SEPHS1: variants seen among roughly 807,000 people sequenced by gnomAD.
The protein encoded by SEPHS1 is zincore component SEPHS1.
SEPHS1 carries 7 observed loss-of-function variants against 39.2 expected under a neutral mutation model. That is an observed-to-expected ratio of 0.18 (90% confidence interval 0.10 to 0.34). The LOEUF (loss-of-function observed/expected upper bound fraction) is 0.34. Among genes scored for constraint, SEPHS1 ranks in the 10% least tolerant of loss-of-function variants. The pLI is 1.00. For synonymous variants in SEPHS1, 190 were observed against 195.5 expected (o/e 0.97, Z 0.23); for missense variants, 253 against 514.5 (o/e 0.49, Z 4.92).
intron 5 of SEPHS1, among the ~76,000 whole-genome samples, chr10:13,332,115 A>ATGGCT (rs1833490060): frequency 6.6e-6 from 1 of 152,258 alleles, no homozygotes; most frequent in Non-Finnish European, 1.5e-5. Flanking sequence ...AATAGGTGGA[A>ATGGCT]ACAACCCAAA....
At position 13,319,137 on chromosome 10, in the gene SEPHS1, C is replaced by A. The variant is rs535134415; in HGVS notation, c.*5G>T. ...AACAAAACCAAACAGCTATTTCTGT[C>A]TAGATTAAGAGGTGGCCCCGGGTGT... On this transcript the variant is annotated 3_prime_UTR_variant, in exon 9 of 9. Transcript: ENST00000327347. The A allele has an allele frequency of 6.8e-6, 11 of 1,611,254 alleles. No individual in the cohort carries two copies. In the South Asian group the frequency reaches 1.0e-4, roughly 15 times the overall value.
At position 13,322,952 on chromosome 10, in the gene SEPHS1, T is replaced by C; in HGVS notation, c.847A>G (p.Arg283Gly). ...TGAATTACAAACGACACCTCGTTCC[T>C]CTGCTGCTTGGCCAGGTTCTGCGCA... The part of the protein sequence containing the change: ...GHAQNLAKQQ[R>G]NEVSFVIHNL... Residue 283 changes from arginine to glycine, a missense_variant, in exon 8 of 9, where the codon AGG becomes GGG. Transcript: ENST00000327347. The C allele has an allele frequency of 6.2e-7, 1 of 1,614,082 alleles. No individual in the cohort carries two copies. The highest frequency in any genetic ancestry group is 8.5e-7 in the Non-Finnish European group (1 of 1,179,974).
rs1832989046 is a variant in SEPHS1 at position 13,317,829 on chromosome 10, T to TA, written c.*1312_*1313insT. ...GCGCCCTTGTGCTTAATGACAGGAA[T>TA]CCCTCCTCATTGCTTAGTAGGTTAA... On this transcript the variant is annotated 3_prime_UTR_variant, in exon 9 of 9. Transcript: ENST00000327347. The TA allele has an allele frequency of 6.6e-6, 1 of 152,154 alleles. No individual in the cohort carries two copies. Among genetic ancestry groups the TA allele is most frequent in the African/African-American group, 2.4e-5 (1 of 41,438 alleles). 9.4% of individuals were successfully genotyped at this position (152,154 alleles called of 1,614,324 possible). A position where few individuals can be genotyped will look rare whatever the true frequency, so the allele number is the denominator to read the frequency against.
rs377429516 is a variant in SEPHS1 at position 13,336,385 on chromosome 10, G to A, written c.298-35C>T. The A allele has an allele frequency of 1.4e-4, 203 of 1,503,366 alleles. 2 individuals carry two copies. Among genetic ancestry groups the A allele is most frequent in the South Asian group, 4.9e-4 (43 of 87,586 alleles). The allele number at this position is 1,503,366 out of a possible 1,614,324, so 93.1% of individuals were successfully genotyped here. A position where few individuals can be genotyped will look rare whatever the true frequency, so the allele number is the denominator to read the frequency against. On this transcript the variant is annotated intron_variant, in intron 3 of 8. Coordinates refer to ENST00000327347, the MANE Select transcript of SEPHS1 (RefSeq NM_012247.5). Reference sequence around the variant, plus strand: ...GAGGGAAACATGAGAAAGGACGACCGGGGACTTTCCATCTGCAGAAACTGA... The same window carrying A: ...GAGGGAAACATGAGAAAGGACGACCAGGGACTTTCCATCTGCAGAAACTGA...
intron 8 of SEPHS1, among the ~76,000 whole-genome samples, chr10:13,320,476 G>A (rs540243658): frequency 2.2e-4 from 33 of 150,842 alleles, no homozygotes; most frequent in East Asian, 1.8e-3. Flanking sequence ...CCACTGCACC[G>A]GGCCAAAATT....
At chr10:13,334,369 C>T (rs183965186) in intron 4 of SEPHS1, among the ~76,000 whole-genome samples, 4,290 of 152,062 alleles carry the variant, frequency 0.028, 89 homozygotes, top group Non-Finnish European at 0.044. Flanking sequence ...GGTGAAACCC[C>T]GTCTCTACTA....
rs773450639 is a variant in SEPHS1, at chr10:13,318,046, A to C, written c.*1096T>G. The C allele has an allele frequency of 6.6e-6, 1 of 152,212 alleles. No individual in the cohort carries two copies. The highest frequency in any genetic ancestry group is 2.4e-5 in the African/African-American group (1 of 41,462). 9.4% of individuals were successfully genotyped at this position (152,212 alleles called of 1,614,324 possible). On this transcript the variant is annotated 3_prime_UTR_variant, in exon 9 of 9. Coordinates refer to ENST00000327347, the MANE Select transcript of SEPHS1 (RefSeq NM_012247.5). Reference sequence around the variant, plus strand: ...AAACCCTCCCAACGCTTCTAAAATAATACTAAAAGGGGCATCTGATTATAC... The same window carrying C: ...AAACCCTCCCAACGCTTCTAAAATACTACTAAAAGGGGCATCTGATTATAC...
chr10:13,344,812 C>T lies in SEPHS1; in HGVS notation c.139G>A (p.Glu47Lys). 5 of 1,601,328 alleles carry T rather than the reference C, an allele frequency of 3.1e-6. No individual in the cohort carries two copies. The highest frequency in any genetic ancestry group is 4.3e-6 in the Non-Finnish European group (5 of 1,173,328). Residue 47 changes from glutamate to lysine, a missense_variant, in exon 2 of 9, where the codon GAG (glutamate) becomes AAG (lysine). Glu to Lys is a moderately conservative substitution (Grantham distance 56). Coordinates refer to ENST00000327347, the MANE Select transcript of SEPHS1 (RefSeq NM_012247.5). ...TGCTCATCTTCTTGGAAGTGGTTCT[C>T]CTGTAAAGATTCCAGCAATTTTTGC... ...VLQKLLESLQ[E>K]NHFQEDEQFL...
rs1046414753 is a variant in SEPHS1 at position 13,320,999 on chromosome 10, G to A, written c.965-1643C>T. Among the ~76,000 whole-genome samples, 6 of 152,136 alleles carry A rather than the reference G, an allele frequency of 3.9e-5. 1 individual carries two copies. The highest frequency in any genetic ancestry group is 1.4e-4 in the African/African-American group (6 of 41,430). On this transcript the variant is annotated intron_variant, in intron 8 of 8. Transcript: ENST00000327347. ...CCTGCCCTGTTGGAGCTTACTTCTA[G>A]AAAATGGTTTGTTTTTTTAAACGGG...
chr10:13,326,914 G>T (rs1025778472), intron 7 of SEPHS1, among the ~76,000 whole-genome samples: 17 of 152,218 alleles, frequency 1.1e-4, no homozygotes, highest in African/African-American at 4.1e-4. Flanking sequence ...AAAGATAATT[G>T]TGGTACATTT....
At chr10:13,335,391 C>G (rs1833595710) in intron 4 of SEPHS1, among the ~76,000 whole-genome samples, 1 of 152,208 alleles carries the variant, frequency 6.6e-6, no homozygotes, top group Non-Finnish European at 1.5e-5. Flanking sequence ...ACAGGTCGGG[C>G]ACGGTGGCTC....
intron 5 of SEPHS1, among the ~76,000 whole-genome samples, chr10:13,330,187 C>T (rs1054426263): frequency 1.3e-5 from 2 of 152,168 alleles, no homozygotes; most frequent in Admixed American, 1.3e-4. Context: ...TCCCCTCGAC[C>T]ACATACGAGT....
chr10:13,318,448 T>C lies in SEPHS1; in HGVS notation c.*694A>G, dbSNP rs1424648958. ...TCTAATAACATTGCAAAAAGTATCC[T>C]TTTTTGCTATCGATAAAACAGTTAA... On this transcript the variant is annotated 3_prime_UTR_variant, in exon 9 of 9. Transcript: ENST00000327347. 1 of 152,606 alleles carries C rather than the reference T, an allele frequency of 6.6e-6. No homozygotes were observed. Among genetic ancestry groups the C allele is most frequent in the Non-Finnish European group, 1.5e-5 (1 of 68,038 alleles). 9.5% of individuals were successfully genotyped at this position (152,606 alleles called of 1,614,324 possible). A position where few individuals can be genotyped will look rare whatever the true frequency, so the allele number is the denominator to read the frequency against.
intron 7 of SEPHS1, 21 bp from the exon 8 acceptor site, chr10:13,323,068 C>T (rs923226519): frequency 3.1e-6 from 5 of 1,608,906 alleles, no homozygotes; most frequent in African/African-American, 2.7e-5. Flanking sequence ...GAGGGGGCGG[C>T]TCTGAGAAAA....
intron 2 of SEPHS1, among the ~76,000 whole-genome samples, chr10:13,343,907 A>C (rs1372586996): frequency 6.6e-6 from 1 of 152,238 alleles, no homozygotes; most frequent in African/African-American, 2.4e-5. Flanking sequence ...AAGTGATCAC[A>C]GTCTTGTACT....
intron 8 of SEPHS1, among the ~76,000 whole-genome samples, chr10:13,321,392 C>G (rs536223147): frequency 1.1e-4 from 16 of 152,054 alleles, no homozygotes; most frequent in African/African-American, 3.6e-4. Context: ...GATTACAGGG[C>G]ACACGCCACG....
intron 1 of SEPHS1, among the ~76,000 whole-genome samples, chr10:13,346,956 C>T (rs910477850): frequency 1.3e-5 from 2 of 151,950 alleles, no homozygotes; most frequent in African/African-American, 4.8e-5. Context: ...AAATCAGCCT[C>T]ACATCCTAAT....
intron 5 of SEPHS1, among the ~76,000 whole-genome samples, chr10:13,331,064 T>C (rs1414123967): frequency 6.6e-6 from 1 of 151,878 alleles, no homozygotes; most frequent in Admixed American, 6.6e-5. Flanking sequence ...AACTCCCACC[T>C]ATGAGTGAGA....
At chr10:13,326,165 T>G (rs1833282936) in intron 7 of SEPHS1, among the ~76,000 whole-genome samples, 1 of 151,948 alleles carries the variant, frequency 6.6e-6, no homozygotes, top group African/African-American at 2.4e-5. Flanking sequence ...TGAATTGCCT[T>G]TACTCCTTTG....
Sources: gnomAD v4.1 joint callset for allele counts (sites outside exome capture counted in the v4.1 genomes callset) on GRCh38, gnomAD v4.1.1 for gene constraint, MANE v1.5 for transcripts, NCBI Gene and HGNC (gene_info 2026-07-23, HGNC 2026-07-21) for gene names.